INTS3: variants seen among roughly 807,000 people sequenced by gnomAD.
INTS3 encodes SOSS complex subunit A.
A neutral mutation model predicts 146.3 loss-of-function variants in INTS3; 34 were observed. The observed-to-expected ratio is 0.23, with a 90% CI of 0.18 to 0.31. The LOEUF (loss-of-function observed/expected upper bound fraction) is 0.31, where lower values mean the gene tolerates loss of function less well. INTS3 is among the 10% of genes least tolerant of loss of function. The pLI is 1.00. For missense variants in INTS3, 757 were observed against 1,304.2 expected (o/e 0.58, Z 6.46); for synonymous variants, 475 against 494.9 (o/e 0.96, Z 0.53).
intron 6 of INTS3, among the ~76,000 whole-genome samples, chr1:153,749,301 T>C (rs996795534): frequency 1.3e-5 from 2 of 152,140 alleles, no homozygotes; most frequent in Non-Finnish European, 2.9e-5. Flanking sequence ...TTCTTTCCCT[T>C]ATCCATCAAA....
At position 153,757,774 on chromosome 1, in the gene INTS3, AAG is replaced by A; in HGVS notation, c.1149+13_1149+14del. The stretch of plus-strand genomic sequence containing the variant: ...CTGACAACGTGCACGGTGAGGGCAA[AAG>A]ATACTGGGTGGTGAAGGGTGCCTCT... On this transcript the variant is annotated intron_variant, in intron 10 of 29. Coordinates refer to ENST00000318967, the MANE Select transcript of INTS3 (RefSeq NM_023015.5). The surrounding 1 kb of genome is among the most constrained non-coding windows in gnomAD (Gnocchi z 4.0). 1 of 1,610,986 alleles carries A rather than the reference AAG, an allele frequency of 6.2e-7. No homozygotes were observed. Among genetic ancestry groups the A allele is most frequent in the Non-Finnish European group, 8.5e-7 (1 of 1,178,534 alleles).
At chr1:153,771,671 G>C in intron 25 of INTS3, 125 bp from the exon 26 acceptor site, 1 of 877,742 alleles carries the variant, frequency 1.1e-6, no homozygotes, top group South Asian at 1.6e-5. Flanking sequence ...CTAAGGAGAA[G>C]AGGGAGAGGG....
chr1:153,767,626 G>A (rs780449192), intron 20 of INTS3, 48 bp from the exon 21 acceptor site: 1 of 1,507,308 alleles, frequency 6.6e-7, no homozygotes, highest in Non-Finnish European at 8.9e-7. Flanking sequence ...ATGCTTGAAG[G>A]TGGGCACTGG....
intron 1 of INTS3, among the ~76,000 whole-genome samples, chr1:153,739,614 G>A (rs1007503405): frequency 6.6e-6 from 1 of 151,950 alleles, no homozygotes; most frequent in Non-Finnish European, 1.5e-5. Context: ...GATTACAGGT[G>A]TGAACCACCG....
intron 21 of INTS3, among the ~76,000 whole-genome samples, chr1:153,768,302 T>C (rs1249637803): frequency 6.6e-6 from 1 of 152,164 alleles, no homozygotes; most frequent in East Asian, 1.9e-4. Context: ...CCCTTTCTCC[T>C]CTTGGTAGAA....
At chr1:153,746,313 C>T (rs143774092) in intron 3 of INTS3, among the ~76,000 whole-genome samples, 82 of 152,310 alleles carry the variant, frequency 5.4e-4, no homozygotes, top group African/African-American at 1.7e-3. Context: ...CAGCCTGTGG[C>T]ATCAAACAGT....
chr1:153,762,888 C>T (rs1287862026), intron 15 of INTS3, 41 bp downstream of exon 15: 1 of 1,608,398 alleles, frequency 6.2e-7, no homozygotes. Flanking sequence ...TTGTGTCAGC[C>T]CTGAGAGGAC....
At position 153,751,209 on chromosome 1, in the gene INTS3, A is replaced by C. The variant is rs1228752929; in HGVS notation, c.699A>C (p.Val233=). 6.2e-7 allele frequency: 1 copy of C among 1,614,096 alleles called. No individual in the cohort carries two copies. Among genetic ancestry groups the C allele is most frequent in the Non-Finnish European group, 8.5e-7 (1 of 1,180,042 alleles). Residue 233 remains valine (V), a synonymous_variant, in exon 7 of 30, where the codon GTA becomes GTC. Coordinates refer to ENST00000318967, the MANE Select transcript of INTS3 (RefSeq NM_023015.5). ...AQLQALRQKE[V]DFCISLLRER... ...TCCAGGCCCTGCGACAGAAGGAAGT[A>C]GACTTCTGCATCTCACTGCTTCGGG...
chr1:153,744,751 A>G (rs1046205585), intron 3 of INTS3, among the ~76,000 whole-genome samples: 2 of 152,184 alleles, frequency 1.3e-5, no homozygotes, highest in Non-Finnish European at 2.9e-5. Flanking sequence ...GAGTTTAGAA[A>G]TGTTGCTGCA....
chr1:153,751,277 A>G, intron 7 of INTS3, 38 bp downstream of exon 7: 1 of 1,607,100 alleles, frequency 6.2e-7, no homozygotes, highest in Non-Finnish European at 8.5e-7. Context: ...GGGAAGTGAG[A>G]CTCAGGCTAA....
intron 3 of INTS3, among the ~76,000 whole-genome samples, chr1:153,744,649 G>A (rs78105201): frequency 0.013 from 1,964 of 152,322 alleles, 22 homozygotes; most frequent in Admixed American, 0.023. Flanking sequence ...GAGGCAGAAG[G>A]AAGTGGCAAT....
intron 1 of INTS3, among the ~76,000 whole-genome samples, chr1:153,739,311 C>T (rs1488745297): frequency 3.3e-5 from 5 of 151,906 alleles, no homozygotes; most frequent in Non-Finnish European, 7.4e-5. Context: ...GTGATCCACC[C>T]GCCTCGGCCT....
chr1:153,772,029 T>C lies in INTS3; in HGVS notation c.2720+66T>C, dbSNP rs74115714. 87 of 1,279,956 alleles carry C rather than the reference T, an allele frequency of 6.8e-5. 1 individual carries two copies. The African/African-American group carries it at 1.3e-3, about 19-fold the overall frequency. The allele number at this position is 1,279,956 out of a possible 1,614,324, so 79.3% of individuals were successfully genotyped here. A position where few individuals can be genotyped will look rare whatever the true frequency, so the allele number is the denominator to read the frequency against. ...CTGCAGTGATTGCTGTCGGTGGTGG[T>C]GGTGGTGGTGGTGGTGGTGGTGATG... On this transcript the variant is annotated intron_variant, in intron 26 of 29. Coordinates refer to ENST00000318967, the MANE Select transcript of INTS3 (RefSeq NM_023015.5). The surrounding 1 kb of genome is among the most constrained non-coding windows in gnomAD (Gnocchi z 4.6).
At chr1:153,756,900 A>G (rs1355967748) in intron 9 of INTS3, among the ~76,000 whole-genome samples, 1 of 152,236 alleles carries the variant, frequency 6.6e-6, no homozygotes, top group East Asian at 1.9e-4. Flanking sequence ...TCATTGCCGA[A>G]AGTTCTGTTG....
At chr1:153,756,229 G>C (rs562479586) in intron 9 of INTS3, among the ~76,000 whole-genome samples, 3 of 151,382 alleles carry the variant, frequency 2.0e-5, no homozygotes, top group African/African-American at 7.3e-5. Flanking sequence ...ACAAAAATTA[G>C]CTGGGTGTGG....
intron 1 of INTS3, among the ~76,000 whole-genome samples, chr1:153,730,992 G>C (rs1342937797): frequency 6.6e-6 from 1 of 151,872 alleles, no homozygotes; most frequent in Admixed American, 6.6e-5. Flanking sequence ...ACTGACCTCT[G>C]CTTGTTCTGG....
chr1:153,771,689 A>C, intron 25 of INTS3, 107 bp from the exon 26 acceptor site: 1 of 1,016,992 alleles, frequency 9.8e-7, no homozygotes, highest in South Asian at 1.5e-5. Flanking sequence ...GGGATGTGAG[A>C]GTAGTGGGTG....
At chr1:153,754,512 G>T in intron 8 of INTS3, 130 bp from the exon 9 acceptor site, 1 of 741,030 alleles carries the variant, frequency 1.3e-6, no homozygotes. Context: ...ACCTCCCTTG[G>T]TCTTGTCTTG....
intron 24 of INTS3, 144 bp downstream of exon 24, chr1:153,770,455 C>T (rs1232879535): frequency 2.4e-5 from 17 of 711,870 alleles, no homozygotes; most frequent in South Asian, 1.1e-4. Context: ...GGCTCTCTGT[C>T]AGCCACTTTT....
Sources: gnomAD v4.1 joint callset for allele counts (sites outside exome capture counted in the v4.1 genomes callset) on GRCh38, gnomAD v4.1.1 for gene constraint, Gnocchi (gnomAD v3.1) non-coding constraint, MANE v1.5 for transcripts, NCBI Gene and HGNC (gene_info 2026-07-23, HGNC 2026-07-21) for gene names.